The following MTA1 variants were observed in gnomAD, a reference collection of about 807,000 sequenced individuals.
MTA1 encodes the protein metastasis associated 1, also known as metastasis-associated protein MTA1.
MTA1 carries 15 observed loss-of-function variants against 97.0 expected under a neutral mutation model. The ratio of observed to expected loss-of-function variants is 0.15; its 90% CI spans 0.10 to 0.24. The LOEUF is 0.24. MTA1 is among the 10% of genes least tolerant of loss of function. The probability of loss-of-function intolerance (pLI) is 1.00; values close to 1 mark genes in which losing one functional copy is unlikely to be tolerated. For missense variants in MTA1, 709 were observed against 1,015.1 expected (o/e 0.70, Z 4.10); for synonymous variants, 435 against 417.5 (o/e 1.04, Z -0.51).
At chr14:105,451,053 T>C (rs895464399) in intron 6 of MTA1, among the ~76,000 whole-genome samples, 1 of 152,074 alleles carries the variant, frequency 6.6e-6, no homozygotes, top group Non-Finnish European at 1.5e-5. Context: ...TCCCACGGGC[T>C]CTGCTGCCAC....
chr14:105,421,850 C>T (rs1188449836), intron 1 of MTA1, among the ~76,000 whole-genome samples: 1 of 152,264 alleles, frequency 6.6e-6, no homozygotes. Context: ...CCTCCCCGAA[C>T]CCTCTGTCCC....
chr14:105,424,908 C>T lies in MTA1; in HGVS notation c.28+4845C>T, dbSNP rs970741508. On this transcript the variant is annotated intron_variant, in intron 1 of 20. Transcript: ENST00000331320. The surrounding 1 kb of genome is among the most constrained non-coding windows in gnomAD (Gnocchi z 4.0). ...TCCAATGAAGCACATCCCTCGCGCC[C>T]GACCCGCCCTGGCAGTGCCGTTCCC... Among the ~76,000 whole-genome samples, 4 of 152,252 alleles carry T rather than the reference C, an allele frequency of 2.6e-5. No individual in the cohort carries two copies. The highest frequency in any genetic ancestry group is 2.1e-4 in the South Asian group (1 of 4,836).
At chr14:105,436,004 C>G (rs1595298493) in intron 1 of MTA1, among the ~76,000 whole-genome samples, 1 of 152,168 alleles carries the variant, frequency 6.6e-6, no homozygotes, top group East Asian at 1.9e-4. Flanking sequence ...CATGGTGGCT[C>G]ATGCCTGTAA....
At chr14:105,448,546 G>A (rs28754351) in intron 3 of MTA1, among the ~76,000 whole-genome samples, 1 of 152,216 alleles carries the variant, frequency 6.6e-6, no homozygotes, top group African/African-American at 2.4e-5. Flanking sequence ...TCAGGGTGCA[G>A]TTTGCTCGTG....
At chr14:105,469,113 C>T (rs1555433643) in intron 18 of MTA1, 3 of 512,232 alleles carry the variant, frequency 5.9e-6, no homozygotes, top group Non-Finnish European at 1.1e-5. Context: ...GCTTGTGCCG[C>T]TGCTGGACTG....
At position 105,463,586 on chromosome 14, in the gene MTA1, C is replaced by T. The variant is rs587661846; in HGVS notation, c.1076+35C>T. On this transcript the variant is annotated intron_variant, in intron 12 of 20. Coordinates refer to ENST00000331320, the MANE Select transcript of MTA1 (RefSeq NM_004689.4). This position sits in a 1 kb window ranked among gnomAD's most constrained non-coding sequence, Gnocchi z 5.9. Reference sequence around the variant, plus strand: ...CCCTCACAGCCGTCGTCCTCGTGGCCCCGGGGGCCAGGGAGGGTGGGCACA... The same window carrying T: ...CCCTCACAGCCGTCGTCCTCGTGGCTCCGGGGGCCAGGGAGGGTGGGCACA... 10 of 1,608,098 alleles carry T rather than the reference C, an allele frequency of 6.2e-6. No homozygotes were observed. In the South Asian group the frequency reaches 8.8e-5, roughly 14 times the overall value.
In MTA1 at chr14:105,463,298, T is replaced by A. The variant is rs2083432866; in HGVS notation, c.1017+40T>A. The A allele has an allele frequency of 1.2e-6, 2 of 1,601,132 alleles. No individual in the cohort carries two copies. The highest frequency in any genetic ancestry group is 1.7e-5 in the Admixed American group (1 of 59,746). On this transcript the variant is annotated intron_variant, in intron 11 of 20. Coordinates refer to ENST00000331320, the MANE Select transcript of MTA1 (RefSeq NM_004689.4). The surrounding 1 kb of genome is among the most constrained non-coding windows in gnomAD (Gnocchi z 5.9). ...CACTCAGTGCCCGGGGTGTGCCGCCTCCCCGTCCTGCGCCCCATCCTCTCC... is the reference window on the plus strand; with the variant it reads ...CACTCAGTGCCCGGGGTGTGCCGCCACCCCGTCCTGCGCCCCATCCTCTCC...
chr14:105,427,017 T>G (rs1555422418), intron 1 of MTA1, among the ~76,000 whole-genome samples: 1 of 152,130 alleles, frequency 6.6e-6, no homozygotes, highest in Admixed American at 6.5e-5. Context: ...CTCAGGAGAG[T>G]GGGCTGTGCC....
intron 1 of MTA1, among the ~76,000 whole-genome samples, chr14:105,436,767 T>C (rs1377374403): frequency 6.6e-6 from 1 of 152,256 alleles, no homozygotes; most frequent in Non-Finnish European, 1.5e-5. Context: ...TTGAATTTAA[T>C]TTATTTGGTT....
In MTA1 at chr14:105,420,012, C is replaced by G; in HGVS notation, c.-24C>G. On this transcript the variant is annotated 5_prime_UTR_variant, in exon 1 of 21. Coordinates refer to ENST00000331320, the MANE Select transcript of MTA1 (RefSeq NM_004689.4). This position sits in a 1 kb window ranked among gnomAD's most constrained non-coding sequence, Gnocchi z 5.3. ...GCCGAGCGCCGCGCCCGCCCCGGGC[C>G]CCTCCGCCGCCGCCGGCCCGGACAT... 4 of 1,053,514 alleles carry G rather than the reference C, an allele frequency of 3.8e-6. No homozygotes were observed. The highest frequency in any genetic ancestry group is 4.6e-6 in the Non-Finnish European group (4 of 871,752). The allele number at this position is 1,053,514 out of a possible 1,614,324, so 65.3% of individuals were successfully genotyped here. A position where few individuals can be genotyped will look rare whatever the true frequency, so the allele number is the denominator to read the frequency against.
intron 2 of MTA1, among the ~76,000 whole-genome samples, chr14:105,445,138 C>T (rs1179099071): frequency 3.9e-5 from 6 of 152,150 alleles, no homozygotes; most frequent in African/African-American, 1.4e-4. Flanking sequence ...TGGGACCCTG[C>T]TGTTCTCAGG....
chr14:105,463,473 A>T lies in MTA1; in HGVS notation c.1018-20A>T. ...CCTGGGCCTAGCCTGCTGACCTCTG[A>T]CCTTCTCTTTTGTTTTAAGAAACGC... On this transcript the variant is annotated intron_variant, in intron 11 of 20. Transcript: ENST00000331320. The surrounding 1 kb of genome is among the most constrained non-coding windows in gnomAD (Gnocchi z 5.9). 1 of 1,613,040 alleles carries T rather than the reference A, an allele frequency of 6.2e-7. No homozygotes were observed. The highest frequency in any genetic ancestry group is 8.5e-7 in the Non-Finnish European group (1 of 1,179,870).
chr14:105,454,106 C>CAGCA, intron 6 of MTA1, 87 bp from the exon 7 acceptor site: 1 of 1,003,022 alleles, frequency 1.0e-6, no homozygotes, highest in Non-Finnish European at 1.6e-6. Flanking sequence ...AAGACCCTCC[C>CAGCA]AGCAGCCCGG....
chr14:105,450,510 C>A (rs781985835), intron 6 of MTA1, among the ~76,000 whole-genome samples, 186 bp downstream of exon 6: 2 of 152,238 alleles, frequency 1.3e-5, no homozygotes, highest in Non-Finnish European at 2.9e-5. Context: ...TGTGGCCGCC[C>A]CCACCCTACG....
In MTA1 at chr14:105,432,634, G is replaced by A. The variant is rs2082210147; in HGVS notation, c.29-6038G>A. On this transcript the variant is annotated intron_variant, in intron 1 of 20. Coordinates refer to ENST00000331320, the MANE Select transcript of MTA1 (RefSeq NM_004689.4). ...ATACACCAGATGACTTGGGAAACTA[G>A]TTTTTGCTGCATGATGTTCTCTACG... 2.0e-5 allele frequency among the ~76,000 whole-genome samples: 3 copies of A among 152,224 alleles called. No individual in the cohort carries two copies. The South Asian group carries it at 6.2e-4, about 32-fold the overall frequency.
Position 105,463,391 on chromosome 14 carries a change from C to A in MTA1, c.1018-102C>A. The A allele has an allele frequency of 6.6e-7, 1 of 1,504,736 alleles. No homozygotes were observed. Among genetic ancestry groups the A allele is most frequent in the Non-Finnish European group, 9.2e-7 (1 of 1,084,546 alleles). The allele number at this position is 1,504,736 out of a possible 1,614,324, so 93.2% of individuals were successfully genotyped here. A position where few individuals can be genotyped will look rare whatever the true frequency, so the allele number is the denominator to read the frequency against. On this transcript the variant is annotated intron_variant, in intron 11 of 20. Transcript: ENST00000331320. The surrounding 1 kb of genome is among the most constrained non-coding windows in gnomAD (Gnocchi z 5.9). ...ACTCCTGAGTCCCTGGCCCGGCTGT[C>A]CTCTCCGTGGTGCTCTCCTCTCCGT...
At chr14:105,450,553 C>G (rs1043177658) in intron 6 of MTA1, among the ~76,000 whole-genome samples, 3 of 152,184 alleles carry the variant, frequency 2.0e-5, no homozygotes, top group Non-Finnish European at 4.4e-5. Context: ...GCTTGGAGCT[C>G]TTTCCTCTTG....
At chr14:105,461,107 C>T (rs1351313597) in intron 10 of MTA1, among the ~76,000 whole-genome samples, 154 bp downstream of exon 10, 4 of 152,292 alleles carry the variant, frequency 2.6e-5, no homozygotes, top group East Asian at 1.9e-4. Context: ...GTCTCAGCTG[C>T]GCTCGGCCGC....
intron 20 of MTA1, 33 bp from the exon 21 acceptor site, chr14:105,470,032 C>A (rs1555434044): frequency 6.2e-7 from 1 of 1,612,568 alleles, no homozygotes; most frequent in Non-Finnish European, 8.5e-7. Context: ...CTCCGCACAG[C>A]GTCCCGGCCC....
Sources: allele counts gnomAD v4.1 joint callset (sites outside exome capture counted in the v4.1 genomes callset), GRCh38; gene constraint gnomAD v4.1.1; non-coding constraint Gnocchi (gnomAD v3.1); transcripts MANE v1.5; gene names NCBI Gene and HGNC (gene_info 2026-07-23, HGNC 2026-07-21).